The following THBS2 variants were observed in gnomAD, a reference collection of about 807,000 sequenced individuals.
THBS2 encodes thrombospondin-2.
A neutral mutation model predicts 135.2 loss-of-function variants in THBS2; 47 were observed. The observed-to-expected ratio is 0.35, with a 90% CI of 0.28 to 0.44. The LOEUF (loss-of-function observed/expected upper bound fraction) is 0.44, where lower values mean the gene tolerates loss of function less well. Ranked by LOEUF, THBS2 falls within the 20% of genes least tolerant of loss-of-function variation. The pLI is 1.00. For missense variants in THBS2, 1,288 were observed against 1,603.1 expected (o/e 0.80, Z 3.36); for synonymous variants, 639 against 633.8 (o/e 1.01, Z -0.12).
chr6:169,242,683 C>CTTCCCAT lies in THBS2; in HGVS notation c.695-726_695-725insATGGGAA, dbSNP rs1780369003. Among the ~76,000 whole-genome samples, 3 of 68,506 alleles carry CTTCCCAT rather than the reference C, an allele frequency of 4.4e-5. 1 individual carries two copies. Among genetic ancestry groups the CTTCCCAT allele is most frequent in the African/African-American group, 1.8e-4 (3 of 16,920 alleles). The allele number at this position is 68,506 out of a possible 152,430, so 44.9% of individuals were successfully genotyped here. ...CCTTCCCACCACTCCCACCTTCCCA[C>CTTCCCAT]CTTCCCATCTTCCCACCTTCCCACC... On this transcript the variant is annotated intron_variant, in intron 4 of 21. Coordinates refer to ENST00000617924, the MANE Select transcript of THBS2 (RefSeq NM_003247.5).
At chr6:169,231,085 C>T (rs143803225) in intron 13 of THBS2, among the ~76,000 whole-genome samples, 1 of 152,168 alleles carries the variant, frequency 6.6e-6, no homozygotes, top group Non-Finnish European at 1.5e-5. Flanking sequence ...TGTCCGCGTC[C>T]TAGTGTCTTG....
At chr6:169,242,459 C>T (rs1218400889) in intron 4 of THBS2, among the ~76,000 whole-genome samples, 6 of 151,950 alleles carry the variant, frequency 3.9e-5, no homozygotes, top group East Asian at 3.9e-4. Context: ...TCTTATGGCT[C>T]CTTGCTCTGC....
intron 4 of THBS2, among the ~76,000 whole-genome samples, chr6:169,242,712 C>T (rs1263565187): frequency 6.1e-5 from 7 of 113,834 alleles, no homozygotes; most frequent in Non-Finnish European, 9.5e-5. Context: ...TCCCACCACT[C>T]CCACCTTCCC....
chr6:169,224,768 CA>C (rs1183098731), intron 17 of THBS2, among the ~76,000 whole-genome samples: 1 of 152,138 alleles, frequency 6.6e-6, no homozygotes, highest in Non-Finnish European at 1.5e-5. Context: ...GCTTTGCTTT[CA>C]AAAAAATCCT....
intron 4 of THBS2, among the ~76,000 whole-genome samples, chr6:169,243,643 CAAAG>C (rs1385299755): frequency 6.6e-6 from 1 of 152,202 alleles, no homozygotes; most frequent in Non-Finnish European, 1.5e-5. Context: ...TTAATAGAGA[CAAAG>C]AAACCACCCT....
intron 21 of THBS2, among the ~76,000 whole-genome samples, chr6:169,219,984 A>C (rs2114970840): frequency 6.6e-6 from 1 of 152,296 alleles, no homozygotes; most frequent in South Asian, 2.1e-4. Context: ...AAAGTGTTCT[A>C]CCAGAGGCAT....
In THBS2 at chr6:169,217,836, AAAG is replaced by A. The variant is rs1779230673; in HGVS notation, c.3512-10_3512-8del. The A allele has an allele frequency of 6.5e-7, 1 of 1,536,080 alleles. No homozygotes were observed. The highest frequency in any genetic ancestry group is 1.9e-5 in the Admixed American group (1 of 51,890). On this transcript the variant is annotated splice_region_variant and splice_polypyrimidine_tract_variant and intron_variant, in intron 21 of 21. Coordinates refer to ENST00000617924, the MANE Select transcript of THBS2 (RefSeq NM_003247.5). ...GCAAATCTTGTTTAAATATCTACAA[AAAG>A]AAAAAAAAAAGCAATAAACAATTAG...
At position 169,242,400 on chromosome 6, in the gene THBS2, C is replaced by T. The variant is rs369538464; in HGVS notation, c.695-442G>A. On this transcript the variant is annotated intron_variant, in intron 4 of 21. Transcript: ENST00000617924. ...TGAACACATCCCCCATATGTTCTGA[C>T]GGCTCCTCTCGACTCTTCATCCTTT... Among the ~76,000 whole-genome samples, 44 of 152,146 alleles carry T rather than the reference C, an allele frequency of 2.9e-4. 1 individual carries two copies. Among genetic ancestry groups the T allele is most frequent in the South Asian group, 6.2e-4 (3 of 4,816 alleles).
chr6:169,248,524 C>T lies in THBS2; in HGVS notation c.502G>A (p.Asp168Asn), dbSNP rs1201553336. 1 of 1,614,022 alleles carries T rather than the reference C, an allele frequency of 6.2e-7. No individual in the cohort carries two copies. Among genetic ancestry groups the T allele is most frequent in the Non-Finnish European group, 8.5e-7 (1 of 1,180,052 alleles). Residue 168 changes from aspartate (D) to asparagine (N), a missense_variant, in exon 3 of 22, where the codon GAC (aspartate) becomes AAC (asparagine). Around this residue, in one of 2 missense-constraint regions of THBS2, gnomAD observed 414 missense variants for 447.0 expected, o/e 0.93. Coordinates refer to ENST00000617924, the MANE Select transcript of THBS2 (RefSeq NM_003247.5). ...GETYSLHVGC[D>N]LIDSFALDEP... ...TCCAGAGCGAAGCTGTCTATGAGGTCGCAGCCCACGTGCAAGCTGTAGGTC... is the reference window on the plus strand; with the variant it reads ...TCCAGAGCGAAGCTGTCTATGAGGTTGCAGCCCACGTGCAAGCTGTAGGTC...
chr6:169,227,873 G>A (rs1298342545), intron 15 of THBS2, among the ~76,000 whole-genome samples: 4 of 152,146 alleles, frequency 2.6e-5, no homozygotes, highest in Admixed American at 6.5e-5. Flanking sequence ...TTTGAGGTCA[G>A]GAGCTTGAGA....
Position 169,237,360 on chromosome 6 carries a change from C to CA in THBS2, c.1301-15_1301-14insT. The stretch of plus-strand genomic sequence containing the variant: ...CGTCCTGCCGGACTAACACAAGAAG[C>CA]GGAGAGAGATCAGGCTGTGCCGCCT... On this transcript the variant is annotated splice_polypyrimidine_tract_variant and intron_variant, in intron 8 of 21. Transcript: ENST00000617924. 1 of 1,612,934 alleles carries CA rather than the reference C, an allele frequency of 6.2e-7. No homozygotes were observed. Among genetic ancestry groups the CA allele is most frequent in the Non-Finnish European group, 8.5e-7 (1 of 1,179,990 alleles).
intron 19 of THBS2, 66 bp from the exon 20 acceptor site, chr6:169,221,593 A>T: frequency 1.4e-6 from 2 of 1,436,546 alleles, no homozygotes; most frequent in Non-Finnish European, 2.0e-6. Flanking sequence ...GCTCTGTAAC[A>T]CCAAGCAGGA....
rs35631991 is a variant in THBS2, at chr6:169,237,752, G to A, written c.1173C>T (p.Thr391=). Residue 391 remains threonine (T), a synonymous_variant, in exon 8 of 22, where the codon ACC becomes ACT. Coordinates refer to ENST00000617924, the MANE Select transcript of THBS2 (RefSeq NM_003247.5). ...EEGWSPWAEW[T]QCSVTCGSGT... ...CAGAGCCACACGTCACGGAGCACTGGGTCCACTCTGCCCACGGAGACCAGC... is the reference window on the plus strand; with the variant it reads ...CAGAGCCACACGTCACGGAGCACTGAGTCCACTCTGCCCACGGAGACCAGC... 56,719 of 1,612,026 alleles carry A rather than the reference G, an allele frequency of 0.035. 1,215 individuals are homozygous for A. The highest frequency in any genetic ancestry group is 0.052 in the South Asian group (4,750 of 91,076).
rs761495769 is a variant in THBS2, at chr6:169,234,851, C to T, written c.1534G>A (p.Gly512Ser). 42 of 1,612,984 alleles carry T rather than the reference C, an allele frequency of 2.6e-5. No homozygotes were observed. The highest frequency in any genetic ancestry group is 3.4e-5 in the Non-Finnish European group (40 of 1,179,740). ...PWSACTVTCA[G>S]GIRERTRVCN... is the part of the protein sequence containing the mutation. ...ACCCGGGTGCGCTCCCGGATCCCAC[C>T]GGCACAGGTGACAGTGCAGGCCGAC... Residue 512 changes from glycine to serine, a missense_variant, in exon 10 of 22, where the codon GGT (glycine) becomes AGT (serine). Coordinates refer to ENST00000617924, the MANE Select transcript of THBS2 (RefSeq NM_003247.5).
At position 169,250,753 on chromosome 6, in the gene THBS2, C is replaced by A; in HGVS notation, c.32G>T (p.Trp11Leu). ...CTCACCTTGCGTGCTGGGCCACACC[C>A]ACAGAGCCAGCAGGACCAGCCTCCA... MVWRLVLLAL[W>L]VWPSTQAGHQ... The change falls in exon 2 of 22, where the codon TGG becomes TTG. Residue 11 changes from tryptophan (W) to leucine (L), a missense_variant. By Grantham distance (61) the Trp-to-Leu change is moderately conservative. Coordinates refer to ENST00000617924, the MANE Select transcript of THBS2 (RefSeq NM_003247.5). The A allele has an allele frequency of 1.2e-6, 2 of 1,613,734 alleles. No homozygotes were observed. The highest frequency in any genetic ancestry group is 1.7e-6 in the Non-Finnish European group (2 of 1,179,876).
chr6:169,237,606 T>C lies in THBS2; in HGVS notation c.1300+19A>G. On this transcript the variant is annotated intron_variant, in intron 8 of 21. Transcript: ENST00000617924. ...CCCCACCCCCACAGGCACGCGGGTG[T>C]CACCTGCCCGACACTCACTGCGGGT... is the stretch of plus-strand genomic sequence containing the variant. The C allele has an allele frequency of 6.2e-7, 1 of 1,610,828 alleles. No individual in the cohort carries two copies. Among genetic ancestry groups the C allele is most frequent in the Non-Finnish European group, 8.5e-7 (1 of 1,179,810 alleles).
At chr6:169,251,169 C>A (rs1323326455) in intron 1 of THBS2, among the ~76,000 whole-genome samples, 1 of 152,144 alleles carries the variant, frequency 6.6e-6, no homozygotes, top group African/African-American at 2.4e-5. Context: ...TAATTCTGTT[C>A]ATACGACTCG....
chr6:169,252,239 T>G lies in THBS2; in HGVS notation c.-22-1433A>C, dbSNP rs1209485402. The stretch of plus-strand genomic sequence containing the variant: ...TGCTGATAGGGCCTTTCTATGGAGC[T>G]CTTAAGAGGGTTTAATGACAGGAGC... On this transcript the variant is annotated intron_variant, in intron 1 of 21. Coordinates refer to ENST00000617924, the MANE Select transcript of THBS2 (RefSeq NM_003247.5). This position sits in a 1 kb window ranked among gnomAD's most constrained non-coding sequence, Gnocchi z 4.3. 6.6e-6 allele frequency: 1 copy of G among 152,170 alleles called. No individual in the cohort carries two copies. The highest frequency in any genetic ancestry group is 2.4e-5 in the African/African-American group (1 of 41,440). The allele number at this position is 152,170 out of a possible 1,614,324, so 9.4% of individuals were successfully genotyped here. A position where few individuals can be genotyped will look rare whatever the true frequency, so the allele number is the denominator to read the frequency against.
rs1215118382 is a variant in THBS2, at chr6:169,217,204, T to G, written c.*618A>C. On this transcript the variant is annotated 3_prime_UTR_variant, in exon 22 of 22. Transcript: ENST00000617924. Reference sequence around the variant, plus strand: ...GACAAGAGGAGAGTTCGTTTATTTTTGTAACTGTTTTACATGTTCCGATTA... The same window carrying G: ...GACAAGAGGAGAGTTCGTTTATTTTGGTAACTGTTTTACATGTTCCGATTA... 1 of 152,300 alleles carries G rather than the reference T, an allele frequency of 6.6e-6. No homozygotes were observed. Among genetic ancestry groups the G allele is most frequent in the Non-Finnish European group, 1.5e-5 (1 of 68,068 alleles). 9.4% of individuals were successfully genotyped at this position (152,300 alleles called of 1,614,324 possible).
Sources: gnomAD v4.1 joint callset for allele counts (sites outside exome capture counted in the v4.1 genomes callset) on GRCh38, gnomAD v4.1.1 for gene constraint, gnomAD v4.1.1 regional missense constraint, Gnocchi (gnomAD v3.1) non-coding constraint, MANE v1.5 for transcripts, NCBI Gene and HGNC (gene_info 2026-07-23, HGNC 2026-07-21) for gene names.